EXOC4: variants seen among roughly 807,000 people sequenced by gnomAD.
EXOC4 encodes the protein exocyst complex component 4.
In EXOC4, 71 loss-of-function variants were observed where a neutral mutation model predicts 107.2. That is an observed-to-expected ratio of 0.66 (90% CI 0.55 to 0.81). EXOC4 has a LOEUF of 0.81. Among genes scored for constraint, EXOC4 ranks in the 30% least tolerant of loss-of-function variants. The pLI, the probability that EXOC4 is intolerant of heterozygous loss-of-function variation, is 0.00. For synonymous variants in EXOC4, 456 were observed against 441.2 expected (o/e 1.03, Z -0.42); for missense variants, 1,108 against 1,189.6 (o/e 0.93, Z 1.01).
At chr7:133,265,701 A>G (rs1013144755) in intron 1 of EXOC4, among the ~76,000 whole-genome samples, 32 of 152,126 alleles carry the variant, frequency 2.1e-4, no homozygotes, top group African/African-American at 6.5e-4. Flanking sequence ...GTTCATCTTT[A>G]TTATTCCTGG....
chr7:134,089,122 C>T, the EXOC4 span, among the ~76,000 whole-genome samples: 1 of 152,100 alleles, frequency 6.6e-6, no homozygotes, highest in Admixed American at 6.5e-5. Flanking sequence ...TTCCAATGTT[C>T]AATTTACAGA....
chr7:133,651,534 G>T (rs938825213), intron 10 of EXOC4, among the ~76,000 whole-genome samples: 1 of 152,076 alleles, frequency 6.6e-6, no homozygotes, highest in Non-Finnish European at 1.5e-5. Context: ...CTTATGATAC[G>T]GATAAGTGCT....
chr7:133,597,064 T>C (rs1257354816), intron 9 of EXOC4, among the ~76,000 whole-genome samples: 1 of 152,152 alleles, frequency 6.6e-6, no homozygotes. Context: ...AGCCAGATTG[T>C]CCAGATCAAG....
At chr7:133,315,806 G>C (rs1354436226) in intron 4 of EXOC4, among the ~76,000 whole-genome samples, 2 of 152,172 alleles carry the variant, frequency 1.3e-5, no homozygotes, top group Non-Finnish European at 2.9e-5. Context: ...ATTAGCCTGT[G>C]AGTGATTTTA....
chr7:133,814,399 C>T (rs974096282), intron 10 of EXOC4, among the ~76,000 whole-genome samples: 4 of 152,054 alleles, frequency 2.6e-5, no homozygotes, highest in Admixed American at 6.5e-5. Context: ...ATGTAAATAT[C>T]CCACAGTTTA....
At chr7:134,066,622 G>A (rs1007161429), downstream of EXOC4, 2 of 152,150 alleles carry the variant, frequency 1.3e-5, no homozygotes, top group African/African-American at 2.4e-5. Flanking sequence ...GACACACTCA[G>A]TGGGTGGTCA....
At chr7:134,046,269 G>T (rs1301106933) in intron 17 of EXOC4, among the ~76,000 whole-genome samples, 1 of 152,054 alleles carries the variant, frequency 6.6e-6, no homozygotes, top group Non-Finnish European at 1.5e-5. Flanking sequence ...ATCGCTTGAG[G>T]CCAGGAGTTC....
intron 11 of EXOC4, among the ~76,000 whole-genome samples, chr7:133,863,896 G>T (rs1307856379): frequency 6.6e-6 from 1 of 152,062 alleles, no homozygotes; most frequent in African/African-American, 2.4e-5. Flanking sequence ...TTCACAAAAG[G>T]CAGTGGGTGG....
At chr7:133,991,302 GT>G (rs554659789) in intron 14 of EXOC4, among the ~76,000 whole-genome samples, 182 of 151,234 alleles carry the variant, frequency 1.2e-3, no homozygotes, top group African/African-American at 3.8e-3. Flanking sequence ...TTTGTTTTTT[GT>G]TTTTGCTATT....
intron 14 of EXOC4, among the ~76,000 whole-genome samples, chr7:133,980,454 G>A (rs1246732483): frequency 6.6e-6 from 1 of 152,220 alleles, no homozygotes; most frequent in Non-Finnish European, 1.5e-5. Context: ...GGCTGAAAAT[G>A]TAGTCACTTC....
At position 133,817,545 on chromosome 7, in the gene EXOC4, G is replaced by A; in HGVS notation, c.1734+1G>A. The stretch of plus-strand genomic sequence containing the variant: ...GGGAGTGCAGCGGCCTCTCCTACAG[G>A]TAATAATACACTTTGAACTTACTAT... On this transcript the variant is annotated splice_donor_variant, in intron 11 of 17. Coordinates refer to ENST00000253861, the MANE Select transcript of EXOC4 (RefSeq NM_021807.4). LOFTEE classifies it high-confidence loss of function. 2 of 1,605,912 alleles carry A rather than the reference G, an allele frequency of 1.2e-6. No individual in the cohort carries two copies. The highest frequency in any genetic ancestry group is 8.5e-7 in the Non-Finnish European group (1 of 1,172,828).
intron 7 of EXOC4, among the ~76,000 whole-genome samples, chr7:133,470,205 A>T (rs1221270892): frequency 6.6e-6 from 1 of 152,212 alleles, no homozygotes; most frequent in Non-Finnish European, 1.5e-5. Context: ...AGATGTGTTA[A>T]TTCTAAGCCT....
chr7:133,739,593 G>A (rs1795520616), intron 10 of EXOC4, among the ~76,000 whole-genome samples: 1 of 152,164 alleles, frequency 6.6e-6, no homozygotes, highest in East Asian at 1.9e-4. Flanking sequence ...GCTGCCTCAT[G>A]AAAAGTTGCT....
chr7:133,470,654 T>C (rs534380288), intron 7 of EXOC4, among the ~76,000 whole-genome samples: 108 of 152,268 alleles, frequency 7.1e-4, no homozygotes, highest in African/African-American at 2.4e-3. Flanking sequence ...CCCATCAATT[T>C]TGACTATTAT....
At chr7:133,715,329 T>C (rs1794977621) in intron 10 of EXOC4, among the ~76,000 whole-genome samples, 1 of 152,324 alleles carries the variant, frequency 6.6e-6, no homozygotes, top group South Asian at 2.1e-4. Context: ...TTCAGTGTTC[T>C]CATTATCCTT....
intron 9 of EXOC4, among the ~76,000 whole-genome samples, chr7:133,621,002 T>C (rs145517355): frequency 5.3e-4 from 81 of 152,350 alleles, no homozygotes; most frequent in African/African-American, 1.9e-3. Context: ...CCTTTGGTAA[T>C]TGGCTCATAT....
chr7:134,062,153 T>C (rs937670686), intron 17 of EXOC4, among the ~76,000 whole-genome samples: 2 of 152,212 alleles, frequency 1.3e-5, no homozygotes, highest in African/African-American at 4.8e-5. Context: ...CTGACTGATT[T>C]GCTTGCAGGA....
intron 9 of EXOC4, among the ~76,000 whole-genome samples, chr7:133,482,837 A>G (rs1387959346): frequency 6.6e-6 from 1 of 152,092 alleles, no homozygotes. Context: ...CAGAGTATTC[A>G]CACACATTCT....
At chr7:133,388,589 G>T (rs960815109) in intron 7 of EXOC4, among the ~76,000 whole-genome samples, 2 of 152,152 alleles carry the variant, frequency 1.3e-5, no homozygotes, top group Non-Finnish European at 2.9e-5. Flanking sequence ...GGTGGAGGCT[G>T]CAGTGAGCCG....
Sources: gnomAD v4.1 joint callset for allele counts (sites outside exome capture counted in the v4.1 genomes callset) on GRCh38, gnomAD v4.1.1 for gene constraint, MANE v1.5 for transcripts, NCBI Gene and HGNC (gene_info 2026-07-23, HGNC 2026-07-21) for gene names.